The following DENND5B variants were observed in gnomAD, a reference collection of about 807,000 sequenced individuals.
DENND5B encodes the protein DENN domain containing 5B.
DENND5B carries 34 observed loss-of-function variants against 140.6 expected under a neutral mutation model. The observed-to-expected ratio is 0.24, with a 90% CI of 0.18 to 0.32. DENND5B has a LOEUF of 0.32. Among genes scored for constraint, DENND5B ranks in the 10% least tolerant of loss-of-function variants. The pLI is 1.00. For missense variants in DENND5B, 1,142 were observed against 1,560.2 expected, an observed-to-expected ratio of 0.73 and a Z score of 4.52; for synonymous variants, 551 against 562.1, an observed-to-expected ratio of 0.98 and a Z score of 0.28.
At chr12:31,430,434 A>G (rs1470566980) in intron 8 of DENND5B, among the ~76,000 whole-genome samples, 2 of 147,494 alleles carry the variant, frequency 1.4e-5, no homozygotes, top group African/African-American at 2.5e-5. Flanking sequence ...TGGGAGGATC[A>G]CAAGGTCAAG....
At chr12:31,577,349 T>A (rs938263828) in intron 1 of DENND5B, among the ~76,000 whole-genome samples, 3 of 151,982 alleles carry the variant, frequency 2.0e-5, no homozygotes, top group African/African-American at 7.2e-5. Context: ...CAAAATTAAG[T>A]GGATTTTCAT....
At chr12:31,432,694 TA>T (rs1943561911) in intron 8 of DENND5B, 2 of 152,968 alleles carry the variant, frequency 1.3e-5, no homozygotes, top group Non-Finnish European at 2.9e-5. Context: ...GATCTTAATT[TA>T]AAAATAGTTT....
At chr12:31,423,840 G>A (rs1286535502) in intron 10 of DENND5B, among the ~76,000 whole-genome samples, 165 bp from the exon 11 acceptor site, 1 of 152,164 alleles carries the variant, frequency 6.6e-6, no homozygotes, top group Non-Finnish European at 1.5e-5. Flanking sequence ...GTATCATAAA[G>A]GTCATCCTGT....
At chr12:31,558,008 T>C (rs1036915223) in intron 1 of DENND5B, among the ~76,000 whole-genome samples, 2 of 151,846 alleles carry the variant, frequency 1.3e-5, no homozygotes, top group African/African-American at 4.8e-5. Flanking sequence ...AGCTATGATC[T>C]CACCACTGCA....
chr12:31,457,984 G>C (rs906089552), intron 4 of DENND5B, among the ~76,000 whole-genome samples: 1 of 152,120 alleles, frequency 6.6e-6, no homozygotes, highest in Non-Finnish European at 1.5e-5. Context: ...AAAGTGCTGG[G>C]ATTACAGGCG....
intron 1 of DENND5B, among the ~76,000 whole-genome samples, chr12:31,570,588 T>TTA (rs372780693): frequency 7.1e-6 from 1 of 140,818 alleles, no homozygotes; most frequent in Non-Finnish European, 1.6e-5. Flanking sequence ...AAATTCTCTT[T>TTA]AAAAAAAAAA....
intron 1 of DENND5B, among the ~76,000 whole-genome samples, chr12:31,569,988 G>A (rs909392013): frequency 1.3e-5 from 2 of 151,988 alleles, no homozygotes; most frequent in Non-Finnish European, 2.9e-5. Context: ...AAGGTCAGGA[G>A]ATCGAGACCA....
intron 9 of DENND5B, 66 bp from the exon 10 acceptor site, chr12:31,424,753 C>T: frequency 2.6e-6 from 4 of 1,567,190 alleles, no homozygotes; most frequent in Non-Finnish European, 3.5e-6. Context: ...AAGTCAATTA[C>T]TAAAGTAGGA....
intron 6 of DENND5B, among the ~76,000 whole-genome samples, chr12:31,446,812 G>A (rs970849940): frequency 4.6e-5 from 7 of 151,664 alleles, no homozygotes; most frequent in Non-Finnish European, 5.9e-5. Flanking sequence ...GCGTGAACCC[G>A]GGAGGTGGCG....
intron 14 of DENND5B, among the ~76,000 whole-genome samples, 198 bp downstream of exon 14, chr12:31,409,065 G>A (rs558082945): frequency 6.6e-6 from 1 of 152,322 alleles, no homozygotes; most frequent in Non-Finnish European, 1.5e-5. Context: ...CTTCAGTAAG[G>A]CGTTCTCTAA....
intron 10 of DENND5B, 118 bp downstream of exon 10, chr12:31,424,417 T>C: frequency 7.7e-7 from 1 of 1,306,570 alleles, no homozygotes; most frequent in East Asian, 2.6e-5. Context: ...GTGGCATTTT[T>C]CTAGTCCCCT....
At chr12:31,492,162 AAC>A (rs1021726697) in intron 2 of DENND5B, among the ~76,000 whole-genome samples, 33 of 152,024 alleles carry the variant, frequency 2.2e-4, no homozygotes, top group African/African-American at 7.2e-4. Flanking sequence ...TAACCATCAA[AAC>A]ACAGCCTTTG....
intron 3 of DENND5B, among the ~76,000 whole-genome samples, chr12:31,470,277 G>C (rs1945494620): frequency 6.6e-6 from 1 of 151,900 alleles, no homozygotes; most frequent in South Asian, 2.1e-4. Flanking sequence ...ACCACGCCTG[G>C]GTAACTCTGT....
At chr12:31,529,597 G>T (rs979870121) in intron 1 of DENND5B, among the ~76,000 whole-genome samples, 1 of 152,010 alleles carries the variant, frequency 6.6e-6, no homozygotes, top group Non-Finnish European at 1.5e-5. Flanking sequence ...GACCAAGGTG[G>T]GGGGATCGCT....
intron 11 of DENND5B, among the ~76,000 whole-genome samples, chr12:31,415,902 C>A (rs887859262): frequency 8.6e-5 from 13 of 152,020 alleles, no homozygotes; most frequent in Non-Finnish European, 1.8e-4. Context: ...ATGGCACGAT[C>A]TCAGCTCACC....
chr12:31,530,904 C>A (rs187049825), intron 1 of DENND5B, among the ~76,000 whole-genome samples: 121 of 152,272 alleles, frequency 7.9e-4, no homozygotes, highest in African/African-American at 2.4e-3. Flanking sequence ...AGCCAAGATT[C>A]ATCTCCTATT....
intron 1 of DENND5B, among the ~76,000 whole-genome samples, chr12:31,533,740 T>C (rs1023429524): frequency 2.0e-4 from 31 of 152,318 alleles, no homozygotes; most frequent in Admixed American, 1.8e-3. Flanking sequence ...AAAGATCACA[T>C]GTAGGTTGAC....
intron 8 of DENND5B, among the ~76,000 whole-genome samples, chr12:31,426,998 C>T (rs77740114): frequency 0.022 from 3,294 of 152,244 alleles, 116 homozygotes; most frequent in African/African-American, 0.076. Context: ...TGCATCTCAG[C>T]TTGTTAAATG....
chr12:31,528,618 T>C (rs984458997), intron 1 of DENND5B, among the ~76,000 whole-genome samples: 1 of 152,142 alleles, frequency 6.6e-6, no homozygotes, highest in Non-Finnish European at 1.5e-5. Flanking sequence ...CGGAGTATGA[T>C]ACAAAGAGAG....
Sources: gnomAD v4.1 joint callset for allele counts (sites outside exome capture counted in the v4.1 genomes callset) on GRCh38, gnomAD v4.1.1 for gene constraint, MANE v1.5 for transcripts, NCBI Gene and HGNC (gene_info 2026-07-23, HGNC 2026-07-21) for gene names.